Variants in WWOX observed in about 807,000 individuals in gnomAD.
WWOX encodes the protein WW domain-containing oxidoreductase.
A neutral mutation model predicts 46.2 loss-of-function variants in WWOX; 69 were observed. The observed-to-expected ratio is 1.49, with a 90% CI of 1.23 to 1.82. WWOX has a LOEUF of 1.82. WWOX is among the 40% of genes most tolerant of loss of function. WWOX has a pLI of 0.00. For synonymous variants in WWOX, 359 were observed against 202.6 expected (o/e 1.77, Z -6.56); for missense variants, 919 against 542.6 (o/e 1.69, Z -6.89).
At chr16:78,882,785 G>A (rs571522811) in intron 8 of WWOX, among the ~76,000 whole-genome samples, 8 of 150,992 alleles carry the variant, frequency 5.3e-5, no homozygotes, top group Admixed American at 1.3e-4. Flanking sequence ...CACCGCACCC[G>A]GTTATACATC....
intron 5 of WWOX, among the ~76,000 whole-genome samples, chr16:78,353,808 G>A (rs1010196135): frequency 7.9e-5 from 12 of 152,308 alleles, no homozygotes; most frequent in African/African-American, 2.2e-4. Context: ...AGCAGTTAGC[G>A]TCAAGTTGCA....
chr16:78,286,996 A>G (rs1260307458), intron 5 of WWOX, among the ~76,000 whole-genome samples: 1 of 152,184 alleles, frequency 6.6e-6, no homozygotes, highest in African/African-American at 2.4e-5. Context: ...CTGGGCACCC[A>G]TTCTCTTAGG....
At position 79,176,831 on chromosome 16, in the gene WWOX, A is replaced by G. The variant is rs146586626; in HGVS notation, c.1057-34777A>G. On this transcript the variant is annotated intron_variant, in intron 8 of 8. Transcript: ENST00000566780. ...AAAAAGACCCCTGGAAAAGAGTAATATAGTAATTCATCTTTATTTGAAAAG... is the reference window on the plus strand; with the variant it reads ...AAAAAGACCCCTGGAAAAGAGTAATGTAGTAATTCATCTTTATTTGAAAAG... Among the ~76,000 whole-genome samples the G allele has an allele frequency of 4.8e-3, 737 of 152,262 alleles. 1 individual carries two copies. Among genetic ancestry groups the G allele is most frequent in the African/African-American group, 0.017 (714 of 41,528 alleles).
At chr16:78,702,092 C>T (rs9937508) in intron 8 of WWOX, among the ~76,000 whole-genome samples, 3 of 59,576 alleles carry the variant, frequency 5.0e-5, no homozygotes, top group African/African-American at 2.9e-4. Flanking sequence ...ATATTTATAT[C>T]TATAAAGTTA....
At chr16:78,920,111 C>T (rs1436795986) in intron 8 of WWOX, among the ~76,000 whole-genome samples, 1 of 152,198 alleles carries the variant, frequency 6.6e-6, no homozygotes, top group Non-Finnish European at 1.5e-5. Context: ...TTCTTGTCTA[C>T]ACTGTAGGGC....
At position 78,768,279 on chromosome 16, in the gene WWOX, T is replaced by TAAAAAAAAAC. The variant is rs1555531816; in HGVS notation, c.1056+335536_1056+335537insCAAAAAAAAA. Among the ~76,000 whole-genome samples the TAAAAAAAAAC allele has an allele frequency of 4.3e-5, 4 of 91,962 alleles. 1 individual carries two copies. Among genetic ancestry groups the TAAAAAAAAAC allele is most frequent in the African/African-American group, 1.6e-4 (4 of 24,988 alleles). 60.3% of individuals were successfully genotyped at this position (91,962 alleles called of 152,430 possible). A position where few individuals can be genotyped will look rare whatever the true frequency, so the allele number is the denominator to read the frequency against. ...GCAAGCCAAAAAGTGATAGATGAGT[T>TAAAAAAAAAC]AAAAAAAAAAAAAAAAAAAAAGTTG... On this transcript the variant is annotated intron_variant, in intron 8 of 8. Coordinates refer to ENST00000566780, the MANE Select transcript of WWOX (RefSeq NM_016373.4).
intron 8 of WWOX, among the ~76,000 whole-genome samples, chr16:78,439,921 G>A (rs185687684): frequency 1.1e-3 from 171 of 152,270 alleles, no homozygotes; most frequent in African/African-American, 4.0e-3. Context: ...GCTCCTCATT[G>A]CATGCCTTTT....
In WWOX at chr16:79,212,466, A is replaced by C; in HGVS notation, c.*670A>C. ...GAGATTATAACAAATTTTTCAAATC[A>C]TTCCTTAGATACCTTGAAAGGCAGG... On this transcript the variant is annotated 3_prime_UTR_variant, in exon 9 of 9. Transcript: ENST00000566780. The C allele has an allele frequency of 4.2e-6, 1 of 238,650 alleles. No homozygotes were observed. The highest frequency in any genetic ancestry group is 8.3e-6 in the Non-Finnish European group (1 of 121,204). The allele number at this position is 238,650 out of a possible 1,614,324, so 14.8% of individuals were successfully genotyped here.
intron 8 of WWOX, among the ~76,000 whole-genome samples, chr16:78,948,838 C>T (rs979985825): frequency 2.6e-5 from 4 of 152,040 alleles, no homozygotes; most frequent in African/African-American, 9.7e-5. Flanking sequence ...GAAGGTTATC[C>T]TGGGTGATTA....
chr16:79,196,531 A>G (rs943870330), intron 8 of WWOX: 2 of 152,174 alleles, frequency 1.3e-5, no homozygotes, highest in Non-Finnish European at 2.9e-5. Context: ...TTCGGACCCA[A>G]CTTCCATTAA....
chr16:78,698,308 A>G (rs1465166300), intron 8 of WWOX, among the ~76,000 whole-genome samples: 1 of 152,236 alleles, frequency 6.6e-6, no homozygotes, highest in Non-Finnish European at 1.5e-5. Context: ...CAGTGTGCAG[A>G]CGAAGGGAGA....
At chr16:79,100,546 C>T (rs1486017587) in intron 8 of WWOX, among the ~76,000 whole-genome samples, 1 of 152,142 alleles carries the variant, frequency 6.6e-6, no homozygotes, top group African/African-American at 2.4e-5. Context: ...CCAGGCTGTG[C>T]TTTGATGGCT....
intron 8 of WWOX, among the ~76,000 whole-genome samples, chr16:78,583,346 T>A (rs2045111654): frequency 6.6e-6 from 1 of 152,188 alleles, no homozygotes; most frequent in African/African-American, 2.4e-5. Flanking sequence ...ATTCTGACAG[T>A]ACTCAGATTT....
chr16:78,246,427 A>T (rs1347836271), intron 5 of WWOX, among the ~76,000 whole-genome samples: 2 of 152,196 alleles, frequency 1.3e-5, no homozygotes, highest in Non-Finnish European at 2.9e-5. Context: ...TGTACTGCTA[A>T]TATATTCTTT....
chr16:78,939,221 C>G (rs1419279910), intron 8 of WWOX, among the ~76,000 whole-genome samples: 2 of 152,102 alleles, frequency 1.3e-5, no homozygotes, highest in South Asian at 2.1e-4. Flanking sequence ...CATCTTCTGT[C>G]TGCTAGACAC....
intron 8 of WWOX, among the ~76,000 whole-genome samples, chr16:79,179,463 C>G (rs2050866611): frequency 6.6e-6 from 1 of 152,208 alleles, no homozygotes; most frequent in South Asian, 2.1e-4. Flanking sequence ...CCTGGCAGCT[C>G]CAGTCCGAAC....
In WWOX at chr16:78,329,586, A is replaced by G. The variant is rs910716009; in HGVS notation, c.517-57274A>G. 5.9e-5 allele frequency among the ~76,000 whole-genome samples: 9 copies of G among 152,202 alleles called. 1 individual carries two copies. Among genetic ancestry groups the G allele is most frequent in the Non-Finnish European group, 2.9e-5 (2 of 68,052 alleles). On this transcript the variant is annotated intron_variant, in intron 5 of 8. Coordinates refer to ENST00000566780, the MANE Select transcript of WWOX (RefSeq NM_016373.4). ...TGGATGAACTTTGTGGCATCTGGCAATGTCCCCAGTGCAACCTATGTAAAA... is the reference window on the plus strand; with the variant it reads ...TGGATGAACTTTGTGGCATCTGGCAGTGTCCCCAGTGCAACCTATGTAAAA...
Position 78,249,890 on chromosome 16 carries a change from T to C in WWOX, c.516+85601T>C, listed in dbSNP as rs1374706871. Among the ~76,000 whole-genome samples, 3 of 151,420 alleles carry C rather than the reference T, an allele frequency of 2.0e-5. No homozygotes were observed. The East Asian group carries it at 5.8e-4, about 29-fold the overall frequency. ...GGAGAAGGGGCACCAGAAGGAGAAA[T>C]GGGAGGAAAGGGCGAGTGAGATAGC... On this transcript the variant is annotated intron_variant, in intron 5 of 8. Transcript: ENST00000566780.
At chr16:79,043,964 G>A (rs562847163) in intron 8 of WWOX, among the ~76,000 whole-genome samples, 8 of 152,252 alleles carry the variant, frequency 5.3e-5, no homozygotes, top group African/African-American at 1.9e-4. Flanking sequence ...CTGTGGTTTG[G>A]TCCTTGTGGC....
Sources: gnomAD v4.1 joint callset for allele counts (sites outside exome capture counted in the v4.1 genomes callset) on GRCh38, gnomAD v4.1.1 for gene constraint, MANE v1.5 for transcripts, NCBI Gene and HGNC (gene_info 2026-07-23, HGNC 2026-07-21) for gene names.